Variants in OPRM1 observed in about 807,000 individuals in gnomAD.
OPRM1 encodes the protein mu-type opioid receptor.
Under a neutral mutation model 31.8 loss-of-function variants are expected in OPRM1, and 27 were observed. The observed-to-expected ratio is 0.85, with a 90% CI of 0.63 to 1.17. The LOEUF is 1.17. Among genes scored for constraint, OPRM1 ranks in the 50% most tolerant of loss-of-function variants. The probability of loss-of-function intolerance (pLI) is 0.00; values close to 1 mark genes in which losing one functional copy is unlikely to be tolerated. For synonymous variants in OPRM1, 196 were observed against 189.9 expected (o/e 1.03, Z -0.26); for missense variants, 536 against 511.1 (o/e 1.05, Z -0.47).
chr6:154,021,943 T>C (rs1778400325), intron 1 of OPRM1, among the ~76,000 whole-genome samples: 1 of 152,188 alleles, frequency 6.6e-6, no homozygotes, highest in Non-Finnish European at 1.5e-5. Flanking sequence ...TCCCAATCTG[T>C]ATACTTTTTA....
exon 1 of OPRM1, chr6:154,010,743 T>G: frequency 1.4e-6 from 2 of 1,424,360 alleles, no homozygotes. Flanking sequence ...CTGCATGAAT[T>G]GCCCCTTTCT....
intron 1 of OPRM1, among the ~76,000 whole-genome samples, chr6:154,052,765 C>A (rs373031696): frequency 6.6e-6 from 1 of 152,052 alleles, no homozygotes; most frequent in Non-Finnish European, 1.5e-5. Context: ...TACATGAAGG[C>A]AAAACATTTT....
rs572072334 is a variant in OPRM1, at chr6:154,083,904, A to G, written c.291-5922A>G. Among the ~76,000 whole-genome samples, 4 of 140,578 alleles carry G rather than the reference A, an allele frequency of 2.8e-5. No individual in the cohort carries two copies. In the East Asian group the frequency reaches 9.3e-4, roughly 33 times the overall value. 92.2% of individuals were successfully genotyped at this position (140,578 alleles called of 152,430 possible). On this transcript the variant is annotated intron_variant, in intron 1 of 3. Transcript: ENST00000330432. Reference sequence around the variant, plus strand: ...GCTTGCAGTGAGCCGAGATCGCGCCACTGCACTCCAGCCTGGGCGACAAAG... The same window carrying G: ...GCTTGCAGTGAGCCGAGATCGCGCCGCTGCACTCCAGCCTGGGCGACAAAG...
chr6:154,159,889 T>C, intron 3 of OPRM1: 10 of 1,613,588 alleles, frequency 6.2e-6, no homozygotes, highest in Non-Finnish European at 8.5e-6. Context: ...GGGGGTGTCA[T>C]CAGTGTCATC....
exon 1 of OPRM1, chr6:154,010,862 G>A (rs1777687469): frequency 7.5e-7 from 1 of 1,334,756 alleles, no homozygotes; most frequent in Non-Finnish European, 9.7e-7. Context: ...TGTTCTTGTG[G>A]TTGCTACATG....
chr6:154,200,266 T>A (rs1333511132), intron 3 of OPRM1, among the ~76,000 whole-genome samples: 1 of 152,214 alleles, frequency 6.6e-6, no homozygotes, highest in African/African-American at 2.4e-5. Context: ...TTCTAGGATC[T>A]GAAAAATCTC....
chr6:154,133,122 A>C (rs948157155), downstream of OPRM1, among the ~76,000 whole-genome samples: 2 of 4,460 alleles, frequency 4.5e-4, no homozygotes, highest in African/African-American at 6.9e-4. Context: ...CTCCATCTCA[A>C]AAAAAAAAAA....
At position 154,168,241 on chromosome 6, in the gene OPRM1, G is replaced by A. The variant is rs1799592867; in HGVS notation, c.1164+76769G>A. On this transcript the variant is annotated intron_variant, in intron 3 of 3. Transcript: ENST00000337049. The surrounding 1 kb of genome is among the most constrained non-coding windows in gnomAD (Gnocchi z 4.1). ...TCATCTCAGACTTCTCTCCGGAACTGAAAGACAATAAATGTTTGCTGTCTA... is the reference window on the plus strand; with the variant it reads ...TCATCTCAGACTTCTCTCCGGAACTAAAAGACAATAAATGTTTGCTGTCTA... 6.1e-6 allele frequency: 4 copies of A among 650,812 alleles called. No individual in the cohort carries two copies. The highest frequency in any genetic ancestry group is 1.0e-5 in the Non-Finnish European group (4 of 401,300). 40.3% of individuals were successfully genotyped at this position (650,812 alleles called of 1,614,324 possible).
upstream of OPRM1, among the ~76,000 whole-genome samples, chr6:154,038,171 C>G (rs1161716298): frequency 6.6e-6 from 1 of 152,102 alleles, no homozygotes; most frequent in Non-Finnish European, 1.5e-5. Context: ...ATGTTCCTTT[C>G]AAGATCTTCC....
intron 1 of OPRM1, chr6:154,087,647 G>A (rs1047507839): frequency 1.4e-5 from 13 of 952,568 alleles, no homozygotes; most frequent in Non-Finnish European, 1.6e-5. Context: ...ACTGGCTCTG[G>A]TTGGAACATG....
chr6:154,132,606 T>C (rs1797951260), downstream of OPRM1, among the ~76,000 whole-genome samples: 1 of 152,172 alleles, frequency 6.6e-6, no homozygotes, highest in Non-Finnish European at 1.5e-5. Context: ...AACCAAACCA[T>C]ACAGAGAAGA....
rs923381800 is a variant in OPRM1, at chr6:154,087,152, A to G, written c.291-2674A>G. 5.1e-6 allele frequency: 5 copies of G among 985,332 alleles called. No homozygotes were observed. The African/African-American group carries it at 8.7e-5, about 17-fold the overall frequency. The allele number at this position is 985,332 out of a possible 1,614,324, so 61.0% of individuals were successfully genotyped here. A position where few individuals can be genotyped will look rare whatever the true frequency, so the allele number is the denominator to read the frequency against. ...TCCAAAAAAAAGCCCCCAAGTCTGA[A>G]AATGTGGAGCTTTTCTGGCAGTAAT... is the stretch of plus-strand genomic sequence containing the variant. On this transcript the variant is annotated intron_variant, in intron 1 of 3. Coordinates refer to ENST00000330432, the MANE Select transcript of OPRM1 (RefSeq NM_000914.5).
chr6:154,137,135 T>C (rs1264432598), downstream of OPRM1, among the ~76,000 whole-genome samples: 2 of 152,154 alleles, frequency 1.3e-5, no homozygotes, highest in African/African-American at 2.4e-5. Flanking sequence ...AGCTAATATA[T>C]TATGTCAAAA....
chr6:154,088,035 G>C (rs1052002530), intron 1 of OPRM1, among the ~76,000 whole-genome samples: 10 of 151,840 alleles, frequency 6.6e-5, no homozygotes, highest in African/African-American at 2.4e-4. Flanking sequence ...CAGTTCATTT[G>C]TAACATCCAA....
Position 154,237,736 on chromosome 6 carries a change from C to T in OPRM1, c.1165-8957C>T, listed in dbSNP as rs139388418. Among the ~76,000 whole-genome samples the T allele has an allele frequency of 2.7e-3, 407 of 152,126 alleles. 2 individuals are homozygous for T. The highest frequency in any genetic ancestry group is 9.5e-3 in the African/African-American group (396 of 41,496). On this transcript the variant is annotated intron_variant, in intron 3 of 3. Coordinates refer to the OPRM1 transcript ENST00000337049. The stretch of plus-strand genomic sequence containing the variant: ...CCATTTGTCCCTTATACCATGCTGC[C>T]GAAATCCACCTTACTGCTGGCTTGC...
chr6:154,105,129 A>G (rs1412514885), intron 3 of OPRM1, among the ~76,000 whole-genome samples: 1 of 152,228 alleles, frequency 6.6e-6, no homozygotes, highest in East Asian at 1.9e-4. Flanking sequence ...ACAAAAGAAA[A>G]CAGATTCTTA....
At chr6:154,073,537 G>A (rs1787234623) in intron 1 of OPRM1, 1 of 152,280 alleles carries the variant, frequency 6.6e-6, no homozygotes, top group Non-Finnish European at 1.5e-5. Flanking sequence ...AGCAGAAGCA[G>A]TGAACAGTCT....
chr6:154,135,959 T>C (rs1798050492), downstream of OPRM1, among the ~76,000 whole-genome samples: 1 of 152,250 alleles, frequency 6.6e-6, no homozygotes, highest in Admixed American at 6.5e-5. Flanking sequence ...AATATTAAAC[T>C]CAAAACTTTG....
intron 3 of OPRM1, chr6:154,159,197 C>T (rs1798832462): frequency 6.6e-6 from 1 of 152,668 alleles, no homozygotes; most frequent in South Asian, 2.1e-4. Context: ...GTGAAAACAC[C>T]AAGCTGTCCT....
Sources: allele counts gnomAD v4.1 joint callset (sites outside exome capture counted in the v4.1 genomes callset), GRCh38; gene constraint gnomAD v4.1.1; non-coding constraint Gnocchi (gnomAD v3.1); transcripts MANE v1.5; gene names NCBI Gene and HGNC (gene_info 2026-07-23, HGNC 2026-07-21).